ANKRD11: variants seen among roughly 807,000 people sequenced by gnomAD.
ANKRD11 encodes the protein ankyrin repeat domain 11.
ANKRD11 carries 17 observed loss-of-function variants against 195.7 expected under a neutral mutation model. The ratio of observed to expected loss-of-function variants is 0.09; its 90% CI spans 0.06 to 0.13. The LOEUF (loss-of-function observed/expected upper bound fraction) is 0.13. Among genes scored for constraint, ANKRD11 ranks in the 10% least tolerant of loss-of-function variants. The pLI, the probability that ANKRD11 is intolerant of heterozygous loss-of-function variation, is 1.00. For missense variants in ANKRD11, 3,735 were observed against 3,566.1 expected (o/e 1.05, Z -1.21); for synonymous variants, 1,953 against 1,528.1 (o/e 1.28, Z -6.49).
At chr16:89,473,783 G>T (rs903788838) in intron 1 of ANKRD11, among the ~76,000 whole-genome samples, 1 of 152,188 alleles carries the variant, frequency 6.6e-6, no homozygotes, top group East Asian at 1.9e-4. Context: ...CAGTGTCCAT[G>T]CCTCCTTGTA....
intron 2 of ANKRD11, among the ~76,000 whole-genome samples, chr16:89,376,408 C>T (rs938927271): frequency 2.0e-5 from 3 of 152,106 alleles, no homozygotes; most frequent in African/African-American, 7.2e-5. Context: ...GGAATATCAT[C>T]GAGGAAAAAG....
chr16:89,490,537 C>T lies in ANKRD11; in HGVS notation c.-437G>A. ...TCCCCGGCTGGGGCCCTCGGTCCAT[C>T]GCGCACCGTCTCAGGGCGGCCTCTG... On this transcript the variant is annotated 5_prime_UTR_variant, in exon 1 of 13. Coordinates refer to ENST00000301030, the MANE Select transcript of ANKRD11 (RefSeq NM_013275.6). The T allele has an allele frequency of 2.2e-6, 1 of 459,094 alleles. No homozygotes were observed. Among genetic ancestry groups the T allele is most frequent in the Non-Finnish European group, 3.9e-6 (1 of 257,176 alleles). 28.4% of individuals were successfully genotyped at this position (459,094 alleles called of 1,614,324 possible). A position where few individuals can be genotyped will look rare whatever the true frequency, so the allele number is the denominator to read the frequency against.
intron 2 of ANKRD11, among the ~76,000 whole-genome samples, chr16:89,356,497 C>T (rs1212543436): frequency 2.6e-5 from 4 of 151,578 alleles, no homozygotes; most frequent in Non-Finnish European, 4.4e-5. Context: ...CAGGGCCAGG[C>T]GCGGTGGCTC....
Position 89,284,485 on chromosome 16 carries a change from A to G in ANKRD11, c.2057T>C (p.Val686Ala), listed in dbSNP as rs2034505593. The change falls in exon 9 of 13, where the codon GTG becomes GCG. Residue 686 changes from valine to alanine, a missense_variant. Physicochemically the swap from Val to Ala is moderately conservative, Grantham distance 64. Transcript: ENST00000301030. ...NDLSTENKLK[V>A]LKHDRDHFKK... The stretch of plus-strand genomic sequence containing the variant: ...AAAGTGGTCGCGATCGTGCTTTAAC[A>G]CTTTTAGCTTGTTTTCAGTGGAAAG... 1 of 1,614,030 alleles carries G rather than the reference A, an allele frequency of 6.2e-7. No homozygotes were observed. Among genetic ancestry groups the G allele is most frequent in the Non-Finnish European group, 8.5e-7 (1 of 1,180,030 alleles).
intron 2 of ANKRD11, among the ~76,000 whole-genome samples, chr16:89,333,865 G>A (rs941123020): frequency 6.6e-6 from 1 of 152,124 alleles, no homozygotes; most frequent in Non-Finnish European, 1.5e-5. Context: ...ATTATTCTGT[G>A]AGTATGTTCC....
intron 2 of ANKRD11, among the ~76,000 whole-genome samples, chr16:89,332,005 A>C (rs2038093216): frequency 6.6e-6 from 1 of 152,106 alleles, no homozygotes; most frequent in Non-Finnish European, 1.5e-5. Context: ...TTAAAAACTC[A>C]GTAGCATGCA....
At chr16:89,430,140 C>T (rs1452968700) in intron 1 of ANKRD11, among the ~76,000 whole-genome samples, 2 of 110,256 alleles carry the variant, frequency 1.8e-5, no homozygotes, top group African/African-American at 7.2e-5. Flanking sequence ...ACAGCAGGGA[C>T]TCTCAACTCT....
At chr16:89,392,925 T>A (rs1487112759) in intron 2 of ANKRD11, among the ~76,000 whole-genome samples, 1 of 151,964 alleles carries the variant, frequency 6.6e-6, no homozygotes, top group African/African-American at 2.4e-5. Flanking sequence ...CCTGCCTGCA[T>A]CTGAAATGAG....
intron 1 of ANKRD11, among the ~76,000 whole-genome samples, chr16:89,489,402 C>A (rs1011362152): frequency 5.7e-4 from 83 of 145,512 alleles, no homozygotes; most frequent in African/African-American, 1.9e-3. Flanking sequence ...AGCCACCCCC[C>A]ACACCCGCCC....
At position 89,275,660 on chromosome 16, in the gene ANKRD11, T is replaced by A. The variant is rs556078974; in HGVS notation, c.7471-469A>T. 9.9e-5 allele frequency among the ~76,000 whole-genome samples: 15 copies of A among 152,050 alleles called. No homozygotes were observed. The South Asian group carries it at 2.9e-3, about 30-fold the overall frequency. On this transcript the variant is annotated intron_variant, in intron 9 of 12. Transcript: ENST00000301030. Reference sequence around the variant, plus strand: ...ATATGAAAGCTGACAACCGAGCCGGTGGTCTTGCAGTGGCTCGGGGGAGGG... The same window carrying A: ...ATATGAAAGCTGACAACCGAGCCGGAGGTCTTGCAGTGGCTCGGGGGAGGG...
In ANKRD11 at chr16:89,465,071, T is replaced by C. The variant is rs1597492535; in HGVS notation, c.-145+25174A>G. 2.0e-5 allele frequency among the ~76,000 whole-genome samples: 3 copies of C among 152,360 alleles called. 1 individual carries two copies. In the South Asian group the frequency reaches 6.2e-4, roughly 32 times the overall value. ...AAATTATATGAAATTCTAATTTCAG[T>C]GTTAGTAATAGTTGTAACTGGAAAA... On this transcript the variant is annotated intron_variant, in intron 1 of 12. Transcript: ENST00000301030.
At chr16:89,396,276 C>T (rs554155888) in intron 2 of ANKRD11, among the ~76,000 whole-genome samples, 19 of 152,296 alleles carry the variant, frequency 1.2e-4, no homozygotes, top group African/African-American at 4.1e-4. Flanking sequence ...ACACGAGTCC[C>T]GGGCACCCAA....
chr16:89,460,972 C>G (rs1451761650), intron 1 of ANKRD11, among the ~76,000 whole-genome samples: 1 of 92,210 alleles, frequency 1.1e-5, no homozygotes, highest in East Asian at 4.0e-4. Context: ...TCGTATGACC[C>G]CCCCCCCCAA....
intron 2 of ANKRD11, among the ~76,000 whole-genome samples, chr16:89,350,694 ATAC>A (rs2039172954): frequency 6.6e-6 from 1 of 152,216 alleles, no homozygotes; most frequent in Admixed American, 6.5e-5. Flanking sequence ...GGTGATGGAA[ATAC>A]TACTCTGTAT....
chr16:89,409,829 A>AATTTATTTATTT (rs1262220424), intron 2 of ANKRD11, among the ~76,000 whole-genome samples: 21 of 151,500 alleles, frequency 1.4e-4, no homozygotes, highest in African/African-American at 4.9e-4. Flanking sequence ...TTTCAATCTA[A>AATTTATTTATTT]ATTTATTTAT....
chr16:89,390,386 C>A (rs1310470976), intron 2 of ANKRD11, among the ~76,000 whole-genome samples: 1 of 152,242 alleles, frequency 6.6e-6, no homozygotes, highest in South Asian at 2.1e-4. Flanking sequence ...GAGAGAAGAT[C>A]ACTGGATCAA....
At position 89,282,129 on chromosome 16, in the gene ANKRD11, G is replaced by T; in HGVS notation, c.4413C>A (p.Asp1471Glu). 1 of 1,613,210 alleles carries T rather than the reference G, an allele frequency of 6.2e-7. No individual in the cohort carries two copies. Among genetic ancestry groups the T allele is most frequent in the South Asian group, 1.1e-5 (1 of 91,022 alleles). ...GCCTGTCCCGGTGCCTCTCCTTCTC[G>T]TCTCTCCATTTCTCCCTGTGTTTCT... The part of the protein sequence containing the change: ...KREKHREKWR[D>E]EKERHRDRHA... The change falls in exon 9 of 13, where the codon GAC (aspartate) becomes GAA (glutamate). Residue 1471 changes from aspartate (D) to glutamate (E), a missense_variant. Asp to Glu is a conservative substitution (Grantham distance 45). Transcript: ENST00000301030.
At position 89,329,489 on chromosome 16, in the gene ANKRD11, C is replaced by T. The variant is rs147939476; in HGVS notation, c.-59-12411G>A. 5.2e-3 allele frequency among the ~76,000 whole-genome samples: 794 copies of T among 152,224 alleles called. 5 individuals are homozygous for T. Among genetic ancestry groups the T allele is most frequent in the African/African-American group, 0.018 (750 of 41,528 alleles). ...CTTTTAGGTGATGGTGTTTCCCCAACGGTATACGTTTCCCAAAACCCACTG... is the reference window on the plus strand; with the variant it reads ...CTTTTAGGTGATGGTGTTTCCCCAATGGTATACGTTTCCCAAAACCCACTG... On this transcript the variant is annotated intron_variant, in intron 2 of 12. Coordinates refer to ENST00000301030, the MANE Select transcript of ANKRD11 (RefSeq NM_013275.6).
At chr16:89,302,542 C>T (rs759453070) in intron 4 of ANKRD11, among the ~76,000 whole-genome samples, 12 of 152,148 alleles carry the variant, frequency 7.9e-5, no homozygotes, top group Non-Finnish European at 1.6e-4. Flanking sequence ...TGAGCCACCG[C>T]GCCTGGCTGT....
Sources: gnomAD v4.1 joint callset for allele counts (sites outside exome capture counted in the v4.1 genomes callset) on GRCh38, gnomAD v4.1.1 for gene constraint, MANE v1.5 for transcripts, NCBI Gene and HGNC (gene_info 2026-07-23, HGNC 2026-07-21) for gene names.